The following IL1RL1 variants were observed in gnomAD, a reference collection of about 807,000 sequenced individuals.
IL1RL1 encodes the protein interleukin-1 receptor-like 1.
In IL1RL1, 32 loss-of-function variants were observed where a neutral mutation model predicts 50.9. The observed-to-expected ratio is 0.63, with a 90% CI of 0.47 to 0.84. The LOEUF is 0.84. Ranked by LOEUF, IL1RL1 falls within the 40% of genes least tolerant of loss-of-function variation. The pLI, the probability that IL1RL1 is intolerant of heterozygous loss-of-function variation, is 0.00. For synonymous variants in IL1RL1, 275 were observed against 236.0 expected, an observed-to-expected ratio of 1.17 and a Z score of -1.51; for missense variants, 773 against 662.9, an observed-to-expected ratio of 1.17 and a Z score of -1.82.
At chr2:102,343,465 G>A (rs1406632993) in intron 8 of IL1RL1, 50 bp downstream of exon 8, 3 of 1,613,882 alleles carry the variant, frequency 1.9e-6, no homozygotes, top group Admixed American at 1.7e-5. Context: ...TCTAGCAAGT[G>A]TAAGCAGAAT....
chr2:102,349,396 CTT>C (rs1677872248), intron 10 of IL1RL1, 150 bp downstream of exon 10: 1 of 633,066 alleles, frequency 1.6e-6, no homozygotes, highest in African/African-American at 1.8e-5. Context: ...GAAGCAGACA[CTT>C]ATCCTTCAAT....
At chr2:102,317,310 C>T (rs1374787020) in intron 1 of IL1RL1, among the ~76,000 whole-genome samples, 10 of 151,848 alleles carry the variant, frequency 6.6e-5, no homozygotes, top group Admixed American at 1.3e-4. Context: ...GCCCAGATGG[C>T]GCCACCGCAC....
At chr2:102,333,338 A>T (rs1677224990) in intron 1 of IL1RL1, among the ~76,000 whole-genome samples, 1 of 152,168 alleles carries the variant, frequency 6.6e-6, no homozygotes, top group Non-Finnish European at 1.5e-5. Context: ...TTGAAGATGA[A>T]ACCATAAGTT....
At chr2:102,350,696 G>A (rs1233501610) in intron 10 of IL1RL1, among the ~76,000 whole-genome samples, 3 of 152,240 alleles carry the variant, frequency 2.0e-5, no homozygotes, top group Non-Finnish European at 4.4e-5. Flanking sequence ...TTTGGCCAAT[G>A]GGAGGCACTG....
chr2:102,342,805 A>G (rs1439394469), intron 6 of IL1RL1, among the ~76,000 whole-genome samples: 4 of 152,076 alleles, frequency 2.6e-5, no homozygotes, highest in Middle Eastern at 3.2e-3. Flanking sequence ...TCCCATGCAG[A>G]TGAGAATATA....
intron 1 of IL1RL1, among the ~76,000 whole-genome samples, chr2:102,322,371 C>T (rs965130597): frequency 6.6e-5 from 10 of 152,102 alleles, no homozygotes; most frequent in Non-Finnish European, 1.2e-4. Flanking sequence ...AAATTCAGAG[C>T]GGAAACTTAT....
At position 102,338,340 on chromosome 2, in the gene IL1RL1, C is replaced by A; in HGVS notation, c.61+15C>A. On this transcript the variant is annotated intron_variant, in intron 2 of 10. Coordinates refer to ENST00000233954, the MANE Select transcript of IL1RL1 (RefSeq NM_016232.5). Reference sequence around the variant, plus strand: ...AGCAAAGTTTAGTAAGTATTGCCTTCTAAGTATAATTTAAATTTTTATAAA... The same window carrying A: ...AGCAAAGTTTAGTAAGTATTGCCTTATAAGTATAATTTAAATTTTTATAAA... 6.9e-7 allele frequency: 1 copy of A among 1,439,366 alleles called. No homozygotes were observed. The highest frequency in any genetic ancestry group is 9.6e-7 in the Non-Finnish European group (1 of 1,041,114). The allele number at this position is 1,439,366 out of a possible 1,614,324, so 89.2% of individuals were successfully genotyped here. A position where few individuals can be genotyped will look rare whatever the true frequency, so the allele number is the denominator to read the frequency against.
At chr2:102,340,310 A>G (rs377187882) in intron 4 of IL1RL1, 38 bp downstream of exon 4, 13 of 1,531,290 alleles carry the variant, frequency 8.5e-6, no homozygotes, top group Non-Finnish European at 1.2e-5. Flanking sequence ...TGAAAATTAC[A>G]CAATTAAAAT....
At chr2:102,335,568 G>A (rs1677298156) in intron 1 of IL1RL1, among the ~76,000 whole-genome samples, 1 of 152,120 alleles carries the variant, frequency 6.6e-6, no homozygotes, top group African/African-American at 2.4e-5. Context: ...GGTCTTAATT[G>A]TCAAATGAAC....
chr2:102,344,124 C>A (rs12712142), intron 8 of IL1RL1: 60,094 of 165,024 alleles, frequency 0.36, 11,223 homozygotes, highest in Middle Eastern at 0.54. Flanking sequence ...AGGCACTTCA[C>A]ACAGTAAAAG....
In IL1RL1 at chr2:102,351,980, G is replaced by A; in HGVS notation, c.*59G>A. The A allele has an allele frequency of 6.7e-7, 1 of 1,500,760 alleles. No individual in the cohort carries two copies. Among genetic ancestry groups the A allele is most frequent in the Non-Finnish European group, 9.0e-7 (1 of 1,108,748 alleles). 93.0% of individuals were successfully genotyped at this position (1,500,760 alleles called of 1,614,324 possible). ...GAAGCTTTCCTGACTTCTCCTAGCT[G>A]GCTTATGCCCCTGCACTGAAGTGTG... On this transcript the variant is annotated 3_prime_UTR_variant, in exon 11 of 11. Transcript: ENST00000233954.
intron 3 of IL1RL1, 140 bp from the exon 4 acceptor site, chr2:102,339,958 T>A: frequency 2.2e-6 from 1 of 459,580 alleles, no homozygotes; most frequent in Non-Finnish European, 3.7e-6. Context: ...ATTTTAATGT[T>A]TATTTTTAAA....
At position 102,343,137 on chromosome 2, in the gene IL1RL1, G is replaced by T; in HGVS notation, c.784G>T (p.Gly262Cys). The T allele has an allele frequency of 6.2e-7, 1 of 1,613,972 alleles. No individual in the cohort carries two copies. Among genetic ancestry groups the T allele is most frequent in the Admixed American group, 1.7e-5 (1 of 59,998 alleles). ...TAATGGAACAAAAATTACAGACTTTGGTGAACCAAGAATTCAACAAGAGGA... is the reference window on the plus strand; with the variant it reads ...TAATGGAACAAAAATTACAGACTTTTGTGAACCAAGAATTCAACAAGAGGA... ...QLNGTKITDFGEPRIQQEEGQ... is the reference protein window; with the variant it reads ...QLNGTKITDFCEPRIQQEEGQ... Residue 262 changes from glycine (G) to cysteine (C), a missense_variant, in exon 7 of 11, where the codon GGT (glycine) becomes TGT (cysteine). Transcript: ENST00000233954.
Position 102,340,741 on chromosome 2 carries a change from G to T in IL1RL1, c.523G>T (p.Asp175Tyr). The change falls in exon 5 of 11, where the codon GAC (aspartate) becomes TAC (tyrosine). Residue 175 changes from aspartate to tyrosine, a missense_variant. Coordinates refer to ENST00000233954, the MANE Select transcript of IL1RL1 (RefSeq NM_016232.5). ...GGTCATTGATAATGTGATGACTGAG[G>T]ACGCAGGTGATTACACCTGTAAATT... is the stretch of plus-strand genomic sequence containing the variant. Reference protein sequence around the residue: ...FLVIDNVMTEDAGDYTCKFIH... With the variant: ...FLVIDNVMTEYAGDYTCKFIH... 8 of 1,599,546 alleles carry T rather than the reference G, an allele frequency of 5.0e-6. No individual in the cohort carries two copies. Among genetic ancestry groups the T allele is most frequent in the South Asian group, 1.1e-5 (1 of 88,818 alleles).
intron 1 of IL1RL1, among the ~76,000 whole-genome samples, chr2:102,325,640 T>G (rs1306993460): frequency 1.3e-5 from 2 of 151,994 alleles, no homozygotes; most frequent in Non-Finnish European, 2.9e-5. Flanking sequence ...GAATAACCAA[T>G]GCAGAGAAGT....
rs573149387 is a variant in IL1RL1 at position 102,351,358 on chromosome 2, G to A, written c.1286-178G>A. Reference sequence around the variant, plus strand: ...GGGGCTGATATTCTCACAAATGAAAGGAACACAAAGAACAAAACGGGTTCT... The same window carrying A: ...GGGGCTGATATTCTCACAAATGAAAAGAACACAAAGAACAAAACGGGTTCT... On this transcript the variant is annotated intron_variant, in intron 10 of 10. Coordinates refer to ENST00000233954, the MANE Select transcript of IL1RL1 (RefSeq NM_016232.5). 3.9e-5 allele frequency among the ~76,000 whole-genome samples: 6 copies of A among 152,240 alleles called. No homozygotes were observed. The East Asian group carries it at 5.8e-4, about 15-fold the overall frequency.
chr2:102,320,559 A>G (rs1573130640), intron 1 of IL1RL1, among the ~76,000 whole-genome samples: 1 of 152,096 alleles, frequency 6.6e-6, no homozygotes, highest in Non-Finnish European at 1.5e-5. Context: ...CTCCAGTTTT[A>G]TGTCTAATGA....
At chr2:102,345,564 G>A (rs1320019802) in intron 8 of IL1RL1, 1 of 985,380 alleles carries the variant, frequency 1.0e-6, no homozygotes, top group Admixed American at 6.1e-5. Flanking sequence ...GGCACAACAG[G>A]AGGAGAAAGG....
intron 1 of IL1RL1, among the ~76,000 whole-genome samples, chr2:102,336,515 T>TGATA (rs1391839287): frequency 1.3e-5 from 2 of 152,214 alleles, no homozygotes; most frequent in Non-Finnish European, 1.5e-5. Context: ...AGTTTACTCA[T>TGATA]GATAGGGTCA....
Sources: gnomAD v4.1 joint callset for allele counts (sites outside exome capture counted in the v4.1 genomes callset) on GRCh38, gnomAD v4.1.1 for gene constraint, MANE v1.5 for transcripts, NCBI Gene and HGNC (gene_info 2026-07-23, HGNC 2026-07-21) for gene names.